Variants in VAT1L observed in about 807,000 individuals in gnomAD.
VAT1L encodes the protein putative NADPH-dependent quinone oxidoreductase VAT1L.
A neutral mutation model predicts 44.1 loss-of-function variants in VAT1L; 34 were observed. That is an observed-to-expected ratio of 0.77 (90% CI 0.59 to 1.03). The LOEUF (loss-of-function observed/expected upper bound fraction) is 1.03, where lower values mean the gene tolerates loss of function less well. Ranked by LOEUF, VAT1L falls within the 50% of genes least tolerant of loss-of-function variation. The pLI is 0.00. For synonymous variants in VAT1L, 253 were observed against 202.2 expected, an observed-to-expected ratio of 1.25 and a Z score of -2.13; for missense variants, 615 against 538.8, an observed-to-expected ratio of 1.14 and a Z score of -1.40.
chr16:77,963,386 C>G (rs1241716120), intron 7 of VAT1L, among the ~76,000 whole-genome samples: 1 of 152,112 alleles, frequency 6.6e-6, no homozygotes, highest in Non-Finnish European at 1.5e-5. Flanking sequence ...CAAAGAAATG[C>G]AAGGGCTTCT....
chr16:77,961,810 G>C (rs891037208), intron 7 of VAT1L, among the ~76,000 whole-genome samples: 1 of 152,172 alleles, frequency 6.6e-6, no homozygotes, highest in Non-Finnish European at 1.5e-5. Context: ...ACTATCAGCT[G>C]TGTGATCTTA....
intron 7 of VAT1L, among the ~76,000 whole-genome samples, chr16:77,935,449 A>G (rs1350839678): frequency 6.6e-6 from 1 of 151,320 alleles, no homozygotes. Flanking sequence ...TCCAATTAGC[A>G]CAAGCCTTGT....
At chr16:77,922,179 C>T (rs1125699) in intron 7 of VAT1L, among the ~76,000 whole-genome samples, 14,734 of 151,706 alleles carry the variant, frequency 0.097, 867 homozygotes, top group African/African-American at 0.16. Context: ...TTTGGGATGG[C>T]GGGCGGGGGT....
At chr16:77,939,210 A>G (rs961915448) in intron 7 of VAT1L, among the ~76,000 whole-genome samples, 13 of 152,238 alleles carry the variant, frequency 8.5e-5, no homozygotes, top group African/African-American at 2.9e-4. Context: ...ACCTCCCTGT[A>G]GGACTAAACG....
chr16:77,946,582 C>A (rs111933522), intron 7 of VAT1L, among the ~76,000 whole-genome samples: 31 of 152,004 alleles, frequency 2.0e-4, no homozygotes, highest in African/African-American at 7.0e-4. Flanking sequence ...GCACCCAGCC[C>A]GAGAATGTAT....
intron 7 of VAT1L, among the ~76,000 whole-genome samples, chr16:77,904,985 TA>T (rs1342234212): frequency 2.1e-4 from 32 of 152,156 alleles, no homozygotes; most frequent in African/African-American, 7.5e-4. Context: ...CAACTGGTGG[TA>T]AAGGAGAAAT....
At chr16:77,932,165 G>A (rs1043771875) in intron 7 of VAT1L, among the ~76,000 whole-genome samples, 26 of 146,032 alleles carry the variant, frequency 1.8e-4, no homozygotes, top group Admixed American at 2.1e-4. Flanking sequence ...GTACAGTGGT[G>A]CGATCTTGGA....
intron 1 of VAT1L, among the ~76,000 whole-genome samples, chr16:77,807,727 G>A (rs555395688): frequency 1.9e-4 from 29 of 152,194 alleles, no homozygotes; most frequent in Middle Eastern, 3.4e-3. Flanking sequence ...TGTGTACGAG[G>A]TACTCTGTTT....
At chr16:77,926,257 T>TAA (rs34182080) in intron 7 of VAT1L, among the ~76,000 whole-genome samples, 26 of 112,804 alleles carry the variant, frequency 2.3e-4, no homozygotes, top group African/African-American at 7.8e-4. Flanking sequence ...CGTCTCAAAG[T>TAA]AAAAAAAAAA....
At chr16:77,947,959 C>A (rs986245584) in intron 7 of VAT1L, among the ~76,000 whole-genome samples, 3 of 152,152 alleles carry the variant, frequency 2.0e-5, no homozygotes, top group Non-Finnish European at 4.4e-5. Context: ...GGGTTTTCCC[C>A]ATGTTGGTCA....
intron 4 of VAT1L, among the ~76,000 whole-genome samples, 177 bp from the exon 5 acceptor site, chr16:77,876,193 C>A (rs781044618): frequency 2.6e-5 from 4 of 152,130 alleles, no homozygotes; most frequent in Non-Finnish European, 4.4e-5. Flanking sequence ...AAATTTTTAT[C>A]ACTGGATCTG....
chr16:77,827,550 G>A (rs1289610456), intron 3 of VAT1L, among the ~76,000 whole-genome samples: 2 of 152,172 alleles, frequency 1.3e-5, no homozygotes, highest in Non-Finnish European at 2.9e-5. Context: ...TGAAGGAACT[G>A]GGGAAAGTGG....
At chr16:77,937,467 C>T (rs2017815791) in intron 7 of VAT1L, among the ~76,000 whole-genome samples, 1 of 151,132 alleles carries the variant, frequency 6.6e-6, no homozygotes, top group Non-Finnish European at 1.5e-5. Flanking sequence ...GGTGGCTTGA[C>T]AGTTACCCAA....
intron 3 of VAT1L, among the ~76,000 whole-genome samples, chr16:77,826,270 T>C (rs868770223): frequency 6.6e-6 from 1 of 151,968 alleles, no homozygotes; most frequent in Non-Finnish European, 1.5e-5. Flanking sequence ...TGAAAAGTTG[T>C]GTCAATCATT....
intron 3 of VAT1L, among the ~76,000 whole-genome samples, chr16:77,837,390 T>G (rs2016651125): frequency 6.6e-6 from 1 of 152,128 alleles, no homozygotes; most frequent in African/African-American, 2.4e-5. Flanking sequence ...GTCCATAAAT[T>G]AAACTTCAAG....
At chr16:77,849,935 T>C (rs754231882) in intron 3 of VAT1L, among the ~76,000 whole-genome samples, 11 of 152,182 alleles carry the variant, frequency 7.2e-5, no homozygotes, top group Non-Finnish European at 1.3e-4. Context: ...GAGTCATTCA[T>C]GTTCAGGGCA....
In VAT1L at chr16:77,910,449, A is replaced by G. The variant is rs920362417; in HGVS notation, c.1077+25647A>G. ...GCACTTTGGGAGGCCGAGGCGGGCG[A>G]ATCACAAGGTCAGGAGATCGAGACC... is the stretch of plus-strand genomic sequence containing the variant. On this transcript the variant is annotated intron_variant, in intron 7 of 8. Transcript: ENST00000302536. Among the ~76,000 whole-genome samples, 85 of 152,088 alleles carry G rather than the reference A, an allele frequency of 5.6e-4. 1 individual carries two copies. The highest frequency in any genetic ancestry group is 8.7e-4 in the Non-Finnish European group (59 of 67,962).
chr16:77,843,109 G>A lies in VAT1L; in HGVS notation c.579+17648G>A, dbSNP rs534087938. 6.5e-4 allele frequency among the ~76,000 whole-genome samples: 99 copies of A among 152,298 alleles called. No individual in the cohort carries two copies. The Middle Eastern group carries it at 0.01, about 16-fold the overall frequency. ...CAGATAGGTCCTTCTCAAATCCTGT[G>A]TTTTAAGCCACAAAGATAGGTCAGG... is the stretch of plus-strand genomic sequence containing the variant. On this transcript the variant is annotated intron_variant, in intron 3 of 8. Transcript: ENST00000302536.
rs2017125830 is a variant in VAT1L at position 77,879,435 on chromosome 16, CAT to C, written c.882+212_882+213del. ...CCTCCCTAGTAGCTGGGATTACAGG[CAT>C]GCGCCACCATACCCAGCTAATTTTT... On this transcript the variant is annotated intron_variant, in intron 6 of 8. Transcript: ENST00000302536. This position sits in a 1 kb window ranked among gnomAD's most constrained non-coding sequence, Gnocchi z 4.1. Among the ~76,000 whole-genome samples, 1 of 152,160 alleles carries C rather than the reference CAT, an allele frequency of 6.6e-6. No individual in the cohort carries two copies. Among genetic ancestry groups the C allele is most frequent in the Non-Finnish European group, 1.5e-5 (1 of 68,032 alleles).
Sources: gnomAD v4.1 joint callset for allele counts (sites outside exome capture counted in the v4.1 genomes callset) on GRCh38, gnomAD v4.1.1 for gene constraint, Gnocchi (gnomAD v3.1) non-coding constraint, MANE v1.5 for transcripts, NCBI Gene and HGNC (gene_info 2026-07-23, HGNC 2026-07-21) for gene names.